The following BICD1 variants were observed in gnomAD, a reference collection of about 807,000 sequenced individuals.
The protein encoded by BICD1 is protein bicaudal D homolog 1.
In BICD1, 35 loss-of-function variants were observed where a neutral mutation model predicts 92.5. The observed-to-expected ratio is 0.38, with a 90% CI of 0.29 to 0.50. The LOEUF is 0.50. Among genes scored for constraint, BICD1 ranks in the 20% least tolerant of loss-of-function variants. The pLI is 0.93. For synonymous variants in BICD1, 429 were observed against 465.1 expected (o/e 0.92, Z 1.00); for missense variants, 950 against 1,189.8 (o/e 0.80, Z 2.97).
intron 4 of BICD1, among the ~76,000 whole-genome samples, chr12:32,322,759 G>T (rs1948691076): frequency 6.6e-6 from 1 of 152,200 alleles, no homozygotes; most frequent in South Asian, 2.1e-4. Context: ...AATCTCAACT[G>T]TCAGAGTCCA....
At chr12:32,268,624 C>T (rs969517450) in intron 2 of BICD1, among the ~76,000 whole-genome samples, 2 of 152,206 alleles carry the variant, frequency 1.3e-5, no homozygotes, top group African/African-American at 2.4e-5. Flanking sequence ...GGCGAAACCC[C>T]GTCTCTACTA....
chr12:32,294,134 G>T lies in BICD1; in HGVS notation c.567G>T (p.Leu189Phe). 1 of 1,601,360 alleles carries T rather than the reference G, an allele frequency of 6.2e-7. No individual in the cohort carries two copies. The highest frequency in any genetic ancestry group is 1.1e-5 in the South Asian group (1 of 87,870). ...CATTGCAGAAACTAGTGTCCACGTT[G>T]AAGCAGAACCAGGTAAGGTTTAAGA... ...NITLQKLVSTLKQNQVEYEGL... is the reference protein window; with the variant it reads ...NITLQKLVSTFKQNQVEYEGL... Residue 189 changes from leucine to phenylalanine, a missense_variant, in exon 3 of 10, where the codon TTG (leucine) becomes TTT (phenylalanine). Leu to Phe is a conservative substitution (Grantham distance 22, BLOSUM62 0). Around this residue, in one of 5 missense-constraint regions of BICD1, gnomAD observed 14 missense variants for 40.0 expected, o/e 0.35. Coordinates refer to ENST00000652176, the MANE Select transcript of BICD1 (RefSeq NM_001714.4).
intron 1 of BICD1, among the ~76,000 whole-genome samples, chr12:32,162,612 G>A (rs1352148122): frequency 6.6e-6 from 1 of 152,150 alleles, no homozygotes; most frequent in African/African-American, 2.4e-5. Context: ...ATCAATAGAG[G>A]TTAGCTATTA....
At chr12:32,301,153 A>G (rs1014312775) in intron 3 of BICD1, among the ~76,000 whole-genome samples, 15 of 152,186 alleles carry the variant, frequency 9.9e-5, no homozygotes, top group Non-Finnish European at 4.4e-5. Context: ...CATGTTGAGC[A>G]TGCGTTTCTG....
chr12:32,198,955 C>A (rs917376060), intron 1 of BICD1, among the ~76,000 whole-genome samples: 2 of 152,136 alleles, frequency 1.3e-5, no homozygotes, highest in Non-Finnish European at 2.9e-5. Context: ...TCATTTCTAC[C>A]TTTAATATTC....
At chr12:32,151,043 G>C (rs985651863) in intron 1 of BICD1, among the ~76,000 whole-genome samples, 1 of 152,150 alleles carries the variant, frequency 6.6e-6, no homozygotes, top group Admixed American at 6.5e-5. Context: ...TATATCTTCT[G>C]TGTAGGCATC....
chr12:32,333,273 G>C, intron 5 of BICD1: 2 of 984,020 alleles, frequency 2.0e-6, no homozygotes, highest in African/African-American at 3.5e-5. Context: ...TTCTGAATCT[G>C]TAATATTTCT....
rs541887332 is a variant in BICD1, at chr12:32,148,387, G to A, written c.213+40843G>A. Among the ~76,000 whole-genome samples the A allele has an allele frequency of 5.8e-4, 88 of 152,308 alleles. 1 individual carries two copies. The highest frequency in any genetic ancestry group is 2.1e-3 in the African/African-American group (86 of 41,568). On this transcript the variant is annotated intron_variant, in intron 1 of 9. Coordinates refer to ENST00000652176, the MANE Select transcript of BICD1 (RefSeq NM_001714.4). ...GGCTTTCTGGAGAGTCTGCCTTTGAGCAGAGAATGTGATTTTCCCACTGTC... is the reference window on the plus strand; with the variant it reads ...GGCTTTCTGGAGAGTCTGCCTTTGAACAGAGAATGTGATTTTCCCACTGTC...
At chr12:32,152,020 G>A (rs1010478741) in intron 1 of BICD1, among the ~76,000 whole-genome samples, 4 of 151,980 alleles carry the variant, frequency 2.6e-5, no homozygotes, top group East Asian at 1.9e-4. Context: ...GTAGTGGCGC[G>A]TTCTCAGCTC....
rs200127433 is a variant in BICD1 at position 32,331,135 on chromosome 12, TAA to T, written c.2100+2592_2100+2593del. Among the ~76,000 whole-genome samples the T allele has an allele frequency of 1.9e-3, 281 of 147,752 alleles. 2 individuals carry two copies. Among genetic ancestry groups the T allele is most frequent in the African/African-American group, 6.6e-3 (267 of 40,462 alleles). ...GGGCAACAAGAGCGAAAATCTGTCT[TAA>T]AAAAAAAAAAATCAAGATGCTTAAC... is the stretch of plus-strand genomic sequence containing the variant. On this transcript the variant is annotated intron_variant, in intron 5 of 9. Coordinates refer to ENST00000652176, the MANE Select transcript of BICD1 (RefSeq NM_001714.4).
Position 32,328,824 on chromosome 12 carries a change from G to A in BICD1, c.2100+269G>A, listed in dbSNP as rs1937685332. On this transcript the variant is annotated intron_variant, in intron 5 of 9. Coordinates refer to ENST00000652176, the MANE Select transcript of BICD1 (RefSeq NM_001714.4). The surrounding 1 kb of genome is among the most constrained non-coding windows in gnomAD (Gnocchi z 4.4). ...ATCTAGATGCCTTTCTGCAGATGTA[G>A]AAAGGCAGCTCAGGCGGTGCTGGGC... 6.6e-6 allele frequency among the ~76,000 whole-genome samples: 1 copy of A among 152,148 alleles called. No individual in the cohort carries two copies. Among genetic ancestry groups the A allele is most frequent in the Non-Finnish European group, 1.5e-5 (1 of 68,028 alleles).
At chr12:32,207,158 G>A (rs2121549731) in intron 1 of BICD1, among the ~76,000 whole-genome samples, 1 of 152,180 alleles carries the variant, frequency 6.6e-6, no homozygotes, top group Admixed American at 6.5e-5. Context: ...TTAAACTATA[G>A]GAATTCATTT....
intron 1 of BICD1, among the ~76,000 whole-genome samples, chr12:32,215,582 A>T (rs185427603): frequency 6.6e-6 from 1 of 152,232 alleles, no homozygotes; most frequent in African/African-American, 2.4e-5. Context: ...GAGATTTTTT[A>T]AAAAATGAAG....
intron 8 of BICD1, among the ~76,000 whole-genome samples, chr12:32,341,425 C>G (rs1938362444): frequency 6.7e-6 from 1 of 148,648 alleles, no homozygotes; most frequent in Non-Finnish European, 1.5e-5. Flanking sequence ...GATCGCACCA[C>G]TACACTCCAG....
chr12:32,371,237 A>G (rs528889331), intron 9 of BICD1, among the ~76,000 whole-genome samples: 78 of 152,320 alleles, frequency 5.1e-4, no homozygotes, highest in African/African-American at 1.9e-3. Context: ...CCTGGTCTAG[A>G]GCCCAATTCT....
chr12:32,168,555 C>T (rs955775966), intron 1 of BICD1, among the ~76,000 whole-genome samples: 1 of 152,154 alleles, frequency 6.6e-6, no homozygotes, highest in Admixed American at 6.5e-5. Context: ...TAACAGCGGT[C>T]GATCACTGAT....
chr12:32,354,401 T>G (rs1321367454), intron 8 of BICD1, among the ~76,000 whole-genome samples: 1 of 152,324 alleles, frequency 6.6e-6, no homozygotes, highest in Middle Eastern at 3.4e-3. Flanking sequence ...CCAGGTCTTA[T>G]TTTTGCATTG....
chr12:32,122,456 T>C (rs920793369), intron 1 of BICD1, among the ~76,000 whole-genome samples: 1 of 145,122 alleles, frequency 6.9e-6, no homozygotes, highest in Non-Finnish European at 1.5e-5. Flanking sequence ...GCCACTGCAG[T>C]CCAGCCTGGG....
At position 32,250,211 on chromosome 12, in the gene BICD1, T is replaced by A. The variant is rs140422931; in HGVS notation, c.426+33752T>A. ...GTGGTTGAGATGGGCCATTCTGCAG[T>A]TACACTGTTTCCGTTCCAGTCTGGG... is the stretch of plus-strand genomic sequence containing the variant. On this transcript the variant is annotated intron_variant, in intron 2 of 9. Coordinates refer to ENST00000652176, the MANE Select transcript of BICD1 (RefSeq NM_001714.4). 4.5e-3 allele frequency among the ~76,000 whole-genome samples: 682 copies of A among 152,300 alleles called. 4 individuals carry two copies. The highest frequency in any genetic ancestry group is 0.016 in the African/African-American group (654 of 41,562).
Sources: allele counts gnomAD v4.1 joint callset (sites outside exome capture counted in the v4.1 genomes callset), GRCh38; gene constraint gnomAD v4.1.1; regional missense constraint gnomAD v4.1.1; non-coding constraint Gnocchi (gnomAD v3.1); transcripts MANE v1.5; gene names NCBI Gene and HGNC (gene_info 2026-07-23, HGNC 2026-07-21).